ADGRL2: variants seen among roughly 807,000 people sequenced by gnomAD.
The protein encoded by ADGRL2 is calcium-independent alpha-latrotoxin receptor 2.
A neutral mutation model predicts 157.4 loss-of-function variants in ADGRL2; 44 were observed. The ratio of observed to expected loss-of-function variants is 0.28; its 90% CI spans 0.22 to 0.36. The LOEUF (loss-of-function observed/expected upper bound fraction) is 0.36, where lower values mean the gene tolerates loss of function less well. Ranked by LOEUF, ADGRL2 falls within the 10% of genes least tolerant of loss-of-function variation. ADGRL2 has a pLI of 1.00. For synonymous variants in ADGRL2, 585 were observed against 624.7 expected (o/e 0.94, Z 0.95); for missense variants, 1,510 against 1,768.9 (o/e 0.85, Z 2.63).
In ADGRL2 at chr1:81,968,008, T is replaced by A. The variant is rs776760358; in HGVS notation, c.2350-18T>A. On this transcript the variant is annotated intron_variant, in intron 13 of 23. Transcript: ENST00000686636. Reference sequence around the variant, plus strand: ...AGAATATAAAATCCTAATTTTATCTTGTCATTTTATTTCCCAGCCTGACAA... The same window carrying A: ...AGAATATAAAATCCTAATTTTATCTAGTCATTTTATTTCCCAGCCTGACAA... 6.2e-7 allele frequency: 1 copy of A among 1,605,914 alleles called. No homozygotes were observed.
chr1:81,876,146 C>G (rs2093834503), intron 2 of ADGRL2, among the ~76,000 whole-genome samples: 1 of 152,032 alleles, frequency 6.6e-6, no homozygotes, highest in African/African-American at 2.4e-5. Context: ...ATAGTGCTTT[C>G]CACGCAAGAC....
chr1:81,576,241 G>A (rs1557475877), intron 2 of ADGRL2, among the ~76,000 whole-genome samples: 1 of 151,980 alleles, frequency 6.6e-6, no homozygotes, highest in Non-Finnish European at 1.5e-5. Context: ...CAGTTTTCTA[G>A]GTAATTAAAA....
chr1:81,497,400 T>G (rs947288640), intron 2 of ADGRL2, among the ~76,000 whole-genome samples: 11 of 152,174 alleles, frequency 7.2e-5, no homozygotes, highest in African/African-American at 2.4e-4. Flanking sequence ...GCTATGGTTT[T>G]TTTTTTAACA....
chr1:81,980,706 T>C (rs762806264), intron 18 of ADGRL2: 18 of 546,588 alleles, frequency 3.3e-5, no homozygotes, highest in Non-Finnish European at 4.8e-5. Flanking sequence ...GCCAGCTTCA[T>C]TGCATGTTGC....
At chr1:81,927,034 G>T (rs888109257) in intron 3 of ADGRL2, among the ~76,000 whole-genome samples, 1 of 151,916 alleles carries the variant, frequency 6.6e-6, no homozygotes, top group East Asian at 1.9e-4. Context: ...AATTTTTGGA[G>T]TTTCTAAGTT....
intron 3 of ADGRL2, among the ~76,000 whole-genome samples, chr1:81,587,699 G>A (rs979852730): frequency 1.3e-5 from 2 of 152,076 alleles, no homozygotes; most frequent in African/African-American, 4.8e-5. Flanking sequence ...GATAAGAATC[G>A]TGCTTTAAAA....
upstream of ADGRL2, among the ~76,000 whole-genome samples, chr1:81,795,950 T>C (rs1281718645): frequency 6.6e-6 from 1 of 152,138 alleles, no homozygotes; most frequent in Non-Finnish European, 1.5e-5. Flanking sequence ...TTGTGTGCAC[T>C]AAAAGGGGAT....
intron 3 of ADGRL2, among the ~76,000 whole-genome samples, chr1:81,646,411 T>C (rs1271177744): frequency 6.6e-6 from 1 of 152,098 alleles, no homozygotes; most frequent in African/African-American, 2.4e-5. Flanking sequence ...ACTTCATGGG[T>C]GGAAAATCAT....
chr1:81,403,103 T>C (rs1279049787), intron 1 of ADGRL2, among the ~76,000 whole-genome samples: 2 of 152,226 alleles, frequency 1.3e-5, no homozygotes, highest in African/African-American at 4.8e-5. Flanking sequence ...AACAGGTCTT[T>C]ATCTACTCAG....
At chr1:81,334,682 CTA>C (rs1397320382) in intron 1 of ADGRL2, among the ~76,000 whole-genome samples, 1 of 152,204 alleles carries the variant, frequency 6.6e-6, no homozygotes, top group Non-Finnish European at 1.5e-5. Context: ...GTAACTTTTA[CTA>C]TATTCTTTCC....
chr1:81,937,352 G>A (rs2095325498), intron 4 of ADGRL2, among the ~76,000 whole-genome samples: 1 of 151,738 alleles, frequency 6.6e-6, no homozygotes, highest in Non-Finnish European at 1.5e-5. Context: ...AAACCTTAAT[G>A]CTAAATAAAA....
chr1:81,307,202 A>G (rs903513005), intron 1 of ADGRL2, among the ~76,000 whole-genome samples: 1 of 152,240 alleles, frequency 6.6e-6, no homozygotes, highest in Admixed American at 6.5e-5. Context: ...GAATGTTTGT[A>G]TAACACTGTT....
intron 1 of ADGRL2, among the ~76,000 whole-genome samples, chr1:81,342,065 C>T (rs542799522): frequency 6.6e-6 from 1 of 152,172 alleles, no homozygotes; most frequent in African/African-American, 2.4e-5. Flanking sequence ...GTCAGATTTC[C>T]AGAACACTGA....
chr1:81,821,543 T>A (rs2090988857), intron 1 of ADGRL2, among the ~76,000 whole-genome samples: 1 of 152,182 alleles, frequency 6.6e-6, no homozygotes, highest in Admixed American at 6.6e-5. Flanking sequence ...TATTAAAATA[T>A]CATTGTGTTC....
At chr1:81,527,205 C>G (rs565362789) in intron 2 of ADGRL2, among the ~76,000 whole-genome samples, 1 of 152,174 alleles carries the variant, frequency 6.6e-6, no homozygotes, top group Admixed American at 6.5e-5. Context: ...CAATGCAGAT[C>G]ATTTCCTCAC....
At chr1:81,637,765 T>G (rs1285898301) in intron 3 of ADGRL2, among the ~76,000 whole-genome samples, 3 of 152,172 alleles carry the variant, frequency 2.0e-5, no homozygotes, top group Non-Finnish European at 2.9e-5. Flanking sequence ...CATGGAAAAC[T>G]GAAAATTTTT....
rs146739686 is a variant in ADGRL2, at chr1:81,724,399, AT to A, written c.-143+24598del. Among the ~76,000 whole-genome samples, 1,447 of 152,176 alleles carry A rather than the reference AT, an allele frequency of 9.5e-3. 26 individuals are homozygous for A. Among genetic ancestry groups the A allele is most frequent in the African/African-American group, 0.033 (1,378 of 41,514 alleles). On this transcript the variant is annotated intron_variant, in intron 1 of 20. Transcript: ENST00000359929. ...AATTGATATGCACAGAGGGGAACCA[AT>A]TTTTTTGATCCAATGTGAATTATAA...
At chr1:81,462,200 A>G (rs2077949237) in intron 2 of ADGRL2, among the ~76,000 whole-genome samples, 1 of 152,140 alleles carries the variant, frequency 6.6e-6, no homozygotes, top group Admixed American at 6.6e-5. Flanking sequence ...ACTCTGTAAA[A>G]TGGACCAATC....
intron 2 of ADGRL2, chr1:81,505,876 A>G (rs1266119909): frequency 3.0e-6 from 1 of 335,412 alleles, no homozygotes; most frequent in Non-Finnish European, 5.8e-6. Context: ...GATCAATGTC[A>G]TTACACAATT....
Sources: gnomAD v4.1 joint callset for allele counts (sites outside exome capture counted in the v4.1 genomes callset) on GRCh38, gnomAD v4.1.1 for gene constraint, MANE v1.5 for transcripts, NCBI Gene and HGNC (gene_info 2026-07-23, HGNC 2026-07-21) for gene names.